RIMS2: variants seen among roughly 807,000 people sequenced by gnomAD.
The protein encoded by RIMS2 is regulating synaptic membrane exocytosis protein 2.
RIMS2 carries 59 observed loss-of-function variants against 174.4 expected under a neutral mutation model. That is an observed-to-expected ratio of 0.34 (90% CI 0.27 to 0.42). The LOEUF is 0.42. Among genes scored for constraint, RIMS2 ranks in the 10% least tolerant of loss-of-function variants. The pLI, the probability that RIMS2 is intolerant of heterozygous loss-of-function variation, is 1.00. For missense variants in RIMS2, 1,620 were observed against 1,666.3 expected (o/e 0.97, Z 0.48); for synonymous variants, 606 against 572.5 (o/e 1.06, Z -0.84).
At chr8:103,761,234 G>A (rs556047142) in intron 2 of RIMS2, among the ~76,000 whole-genome samples, 1 of 152,168 alleles carries the variant, frequency 6.6e-6, no homozygotes, top group African/African-American at 2.4e-5. Flanking sequence ...GAACAACACC[G>A]AAGCTCTTTC....
intron 19 of RIMS2, among the ~76,000 whole-genome samples, chr8:104,191,220 C>G (rs2098996243): frequency 6.6e-6 from 1 of 152,006 alleles, no homozygotes; most frequent in Non-Finnish European, 1.5e-5. Flanking sequence ...CAGTGAAAAT[C>G]AAGCCTATCA....
chr8:103,984,026 AT>A (rs1432149311), intron 16 of RIMS2, among the ~76,000 whole-genome samples: 3 of 152,052 alleles, frequency 2.0e-5, no homozygotes, highest in Non-Finnish European at 2.9e-5. Flanking sequence ...ACAAAAAAAA[AT>A]AGCAGGCGTG....
At chr8:103,730,995 T>C (rs1236954522) in intron 2 of RIMS2, among the ~76,000 whole-genome samples, 1 of 152,180 alleles carries the variant, frequency 6.6e-6, no homozygotes, top group East Asian at 1.9e-4. Flanking sequence ...AGTCACATCT[T>C]ACATGGATGG....
At chr8:104,187,666 T>G (rs2098975465) in intron 19 of RIMS2, among the ~76,000 whole-genome samples, 2 of 151,882 alleles carry the variant, frequency 1.3e-5, no homozygotes, top group Admixed American at 1.3e-4. Flanking sequence ...CTGAAGTTTT[T>G]CCTCATATTC....
At chr8:103,673,822 A>G (rs1332532214) in intron 1 of RIMS2, among the ~76,000 whole-genome samples, 2 of 152,084 alleles carry the variant, frequency 1.3e-5, no homozygotes, top group Non-Finnish European at 2.9e-5. Flanking sequence ...TCTCCCATAA[A>G]AGCTTTTTCT....
At chr8:103,706,754 A>G (rs1026371231) in intron 2 of RIMS2, among the ~76,000 whole-genome samples, 2 of 149,882 alleles carry the variant, frequency 1.3e-5, no homozygotes, top group Admixed American at 1.3e-4. Flanking sequence ...TTTGATTATT[A>G]TATGTCTTGG....
intron 9 of RIMS2, chr8:103,920,887 T>A (rs1275491290): frequency 1.2e-5 from 4 of 333,054 alleles, no homozygotes; most frequent in South Asian, 9.1e-5. Flanking sequence ...TAGTCCCAGC[T>A]ACTTGGGAGG....
At chr8:103,916,683 C>T in intron 8 of RIMS2, 146 bp downstream of exon 11, 1 of 583,552 alleles carries the variant, frequency 1.7e-6, no homozygotes, top group East Asian at 3.0e-5. Context: ...ACAAAAGCAC[C>T]ACACCAAAAA....
chr8:103,854,689 C>T (rs1386398899), intron 3 of RIMS2, among the ~76,000 whole-genome samples: 3 of 151,980 alleles, frequency 2.0e-5, no homozygotes, highest in African/African-American at 7.3e-5. Flanking sequence ...GTATCTTGAA[C>T]CATCCTTGTA....
At chr8:103,799,627 G>A (rs2154449771) in intron 3 of RIMS2, among the ~76,000 whole-genome samples, 1 of 152,210 alleles carries the variant, frequency 6.6e-6, no homozygotes, top group Admixed American at 6.5e-5. Flanking sequence ...ATATTACTAA[G>A]CATTTCATGT....
At chr8:104,051,125 G>C (rs903634807) in intron 19 of RIMS2, among the ~76,000 whole-genome samples, 3 of 152,042 alleles carry the variant, frequency 2.0e-5, no homozygotes, top group African/African-American at 7.2e-5. Flanking sequence ...TGTAGTCCCT[G>C]CTACTTAGGA....
intron 9 of RIMS2, among the ~76,000 whole-genome samples, chr8:103,920,515 C>T (rs938509983): frequency 2.0e-5 from 3 of 152,114 alleles, no homozygotes; most frequent in African/African-American, 7.2e-5. Context: ...CTTGCAGTTT[C>T]CCCTCATTTC....
At chr8:104,149,096 A>T (rs1311151151) in intron 19 of RIMS2, among the ~76,000 whole-genome samples, 1 of 152,072 alleles carries the variant, frequency 6.6e-6, no homozygotes, top group Non-Finnish European at 1.5e-5. Context: ...CTCCTCAGGG[A>T]GGAGTTACGC....
intron 4 of RIMS2, among the ~76,000 whole-genome samples, chr8:103,903,244 T>C (rs1261747822): frequency 6.6e-6 from 1 of 152,004 alleles, no homozygotes; most frequent in Non-Finnish European, 1.5e-5. Flanking sequence ...AGTCATAAAA[T>C]TGATAAGGGG....
intron 1 of RIMS2, among the ~76,000 whole-genome samples, chr8:103,609,901 A>G (rs1053826438): frequency 6.6e-6 from 1 of 152,218 alleles, no homozygotes; most frequent in Non-Finnish European, 1.5e-5. Context: ...AATAGCAGTG[A>G]ATCTGTAAAT....
At chr8:103,819,565 G>T (rs755119094) in intron 3 of RIMS2, 51 of 1,613,414 alleles carry the variant, frequency 3.2e-5, no homozygotes, top group African/African-American at 9.4e-5. Context: ...TTTTCATGGG[G>T]TTTTTTCATC....
chr8:103,560,365 G>A (rs566779944), intron 1 of RIMS2, among the ~76,000 whole-genome samples: 58 of 152,048 alleles, frequency 3.8e-4, no homozygotes, highest in Admixed American at 5.9e-4. Context: ...TGACAAGAGC[G>A]AAACTCTGTC....
intron 19 of RIMS2, among the ~76,000 whole-genome samples, chr8:104,085,290 G>A (rs750382330): frequency 1.8e-4 from 27 of 152,262 alleles, no homozygotes; most frequent in Middle Eastern, 6.8e-3. Flanking sequence ...AATGCCTGCT[G>A]TAGCTGTAGG....
At chr8:104,089,910 G>A (rs1467657019) in intron 19 of RIMS2, among the ~76,000 whole-genome samples, 2 of 151,586 alleles carry the variant, frequency 1.3e-5, no homozygotes, top group Admixed American at 1.3e-4. Flanking sequence ...TAGTAAGAAG[G>A]CTAAACCTCA....
Sources: allele counts gnomAD v4.1 joint callset (sites outside exome capture counted in the v4.1 genomes callset), GRCh38; gene constraint gnomAD v4.1.1; transcripts MANE v1.5; gene names NCBI Gene and HGNC (gene_info 2026-07-23, HGNC 2026-07-21).